Variants in PCDHA11 observed in about 807,000 individuals in gnomAD.
PCDHA11 encodes the protein protocadherin alpha 11.
A neutral mutation model predicts 70.3 loss-of-function variants in PCDHA11; 61 were observed. That is an observed-to-expected ratio of 0.87 (90% CI 0.71 to 1.07). The LOEUF (loss-of-function observed/expected upper bound fraction) is 1.07. PCDHA11 is among the 50% of genes least tolerant of loss of function. The pLI, the probability that PCDHA11 is intolerant of heterozygous loss-of-function variation, is 0.00. For missense variants in PCDHA11, 1,324 were observed against 1,237.5 expected, an observed-to-expected ratio of 1.07 and a Z score of -1.05; for synonymous variants, 633 against 555.1, an observed-to-expected ratio of 1.14 and a Z score of -1.97.
At chr5:140,966,454 C>T (rs897696652) in intron 1 of PCDHA11, 6 of 426,406 alleles carry the variant, frequency 1.4e-5, no homozygotes, top group Admixed American at 4.4e-5. Flanking sequence ...TCCCCCTCCC[C>T]CTCTGTCTTC....
chr5:140,877,661 G>C, intron 1 of PCDHA11: 1 of 1,613,572 alleles, frequency 6.2e-7, no homozygotes. Flanking sequence ...CCCACCGTGA[G>C]CCGGTGCGCG....
At chr5:140,949,371 C>G (rs932971788) in intron 1 of PCDHA11, among the ~76,000 whole-genome samples, 1 of 151,712 alleles carries the variant, frequency 6.6e-6, no homozygotes, top group African/African-American at 2.4e-5. Flanking sequence ...GTCTAGTTGT[C>G]CTATCAATTG....
rs782072957 is a variant in PCDHA11, at chr5:140,870,352, G to T, written c.1249G>T (p.Val417Leu). Residue 417 changes from valine (V) to leucine (L), a missense_variant, in exon 1 of 4, where the codon GTG (valine) becomes TTG (leucine). Physicochemically the swap from Val to Leu is conservative, Grantham distance 32. Coordinates refer to ENST00000398640, the MANE Select transcript of PCDHA11 (RefSeq NM_018902.5). ...GGACAGCGCCCTGGACCGCGAGAAC[G>T]TGTGGGCCTATGAACTGGTGGTGAC... ...VLDSALDREN[V>L]WAYELVVTAR... is the part of the protein sequence containing the mutation. 9.9e-6 allele frequency: 16 copies of T among 1,614,226 alleles called. No individual in the cohort carries two copies. The South Asian group carries it at 1.3e-4, about 13-fold the overall frequency.
chr5:140,982,218 G>T, intron 2 of PCDHA11: 1 of 523,694 alleles, frequency 1.9e-6, no homozygotes, highest in South Asian at 3.9e-5. Flanking sequence ...GCCACATGGC[G>T]TTAATAAAAA....
At chr5:140,883,332 T>C (rs2059555585) in intron 1 of PCDHA11, 3 of 1,614,174 alleles carry the variant, frequency 1.9e-6, no homozygotes, top group Non-Finnish European at 2.5e-6. Flanking sequence ...ATCACTTCTT[T>C]GTCACTCCCC....
rs782654281 is a variant in PCDHA11, at chr5:140,871,003, C to G, written c.1900C>G (p.Arg634Gly). 1.9e-6 allele frequency: 3 copies of G among 1,613,416 alleles called. No homozygotes were observed. Among genetic ancestry groups the G allele is most frequent in the Non-Finnish European group, 2.5e-6 (3 of 1,179,866 alleles). Residue 634 changes from arginine (R) to glycine (G), a missense_variant, in exon 1 of 4, where the codon CGT (arginine) becomes GGT (glycine). Physicochemically the swap from Arg to Gly is moderately radical, Grantham distance 125. Transcript: ENST00000398640. ...GLYTGEISTT[R>G]ALDEADSPRH... ...GTACACGGGCGAGATAAGCACAACG[C>G]GTGCCCTGGACGAGGCAGACTCGCC...
At chr5:140,992,950 C>T (rs1435932636) in intron 3 of PCDHA11, among the ~76,000 whole-genome samples, 1 of 152,216 alleles carries the variant, frequency 6.6e-6, no homozygotes, top group East Asian at 1.9e-4. Context: ...GAGATTAAAT[C>T]ACCCCTTATA....
chr5:140,877,325 C>G lies in PCDHA11; in HGVS notation c.2391+5831C>G. 1.2e-6 allele frequency: 2 copies of G among 1,613,974 alleles called. No individual in the cohort carries two copies. Among genetic ancestry groups the G allele is most frequent in the Non-Finnish European group, 1.7e-6 (2 of 1,179,864 alleles). The stretch of plus-strand genomic sequence containing the variant: ...GAGTTGCAACCGGCGGCGGTCGGCG[C>G]GCACATCCCGTTCCACGTGGGGCTG... On this transcript the variant is annotated intron_variant, in intron 1 of 3. Transcript: ENST00000398640.
At position 140,982,527 on chromosome 5, in the gene PCDHA11, G is replaced by A. The variant is rs2096986081; in HGVS notation, c.2503G>A (p.Asp835Asn). ...TCTACGGGCTGGTCCAGGAGGGCCT[G>A]ATCAGCAGTGGCCAACAGTATCCAG... is the stretch of plus-strand genomic sequence containing the variant. ...GILRAGPGGP[D>N]QQWPTVSSAT... is the part of the protein sequence containing the mutation. Residue 835 changes from aspartate to asparagine, a missense_variant, in exon 3 of 4, where the codon GAT becomes AAT. By Grantham distance (23) the Asp-to-Asn change is conservative. Coordinates refer to ENST00000398640, the MANE Select transcript of PCDHA11 (RefSeq NM_018902.5). 1 of 1,614,218 alleles carries A rather than the reference G, an allele frequency of 6.2e-7. No individual in the cohort carries two copies. Among genetic ancestry groups the A allele is most frequent in the Admixed American group, 1.7e-5 (1 of 60,034 alleles).
intron 1 of PCDHA11, among the ~76,000 whole-genome samples, chr5:140,896,536 C>CT (rs34213614): frequency 0.32 from 46,252 of 145,528 alleles, 7,425 homozygotes; most frequent in East Asian, 0.53. Flanking sequence ...AGCTATTTTT[C>CT]TTTTTTTTTT....
intron 1 of PCDHA11, among the ~76,000 whole-genome samples, chr5:140,945,509 GTAAA>G (rs1266877059): frequency 6.6e-6 from 1 of 151,782 alleles, no homozygotes; most frequent in Non-Finnish European, 1.5e-5. Context: ...ATTGAGCAAA[GTAAA>G]TAAATAAATA....
At chr5:140,973,062 G>GTC (rs1554234872) in intron 1 of PCDHA11, among the ~76,000 whole-genome samples, 1 of 152,138 alleles carries the variant, frequency 6.6e-6, no homozygotes, top group African/African-American at 2.4e-5. Context: ...GTCCAACAGT[G>GTC]TCTCAGTGGG....
intron 1 of PCDHA11, chr5:140,877,677 C>T (rs1554169970): frequency 6.2e-7 from 1 of 1,613,678 alleles, no homozygotes. Context: ...GCGCGCCGGG[C>T]AAGCCCACGC....
chr5:141,000,912 A>G (rs1434885581), intron 3 of PCDHA11, among the ~76,000 whole-genome samples: 1 of 152,194 alleles, frequency 6.6e-6, no homozygotes, highest in East Asian at 1.9e-4. Context: ...TGTCTCTAAA[A>G]AAAAAAATCC....
In PCDHA11 at chr5:140,869,453, T is replaced by C; in HGVS notation, c.350T>C (p.Phe117Ser). 6.2e-7 allele frequency: 1 copy of C among 1,614,214 alleles called. No homozygotes were observed. Among genetic ancestry groups the C allele is most frequent in the Non-Finnish European group, 8.5e-7 (1 of 1,180,048 alleles). ...ATCGTGGACAGGCCGCTGCAGGTTT[T>C]CCATGTGAACGTGGAGGTGAAGGAC... ...EVIVDRPLQVFHVNVEVKDIN... is the reference protein window; with the variant it reads ...EVIVDRPLQVSHVNVEVKDIN... Residue 117 changes from phenylalanine (F) to serine (S), a missense_variant, in exon 1 of 4, where the codon TTC becomes TCC. Physicochemically the swap from Phe to Ser is radical, Grantham distance 155 (BLOSUM62 -2). Transcript: ENST00000398640.
intron 1 of PCDHA11, chr5:140,929,206 C>T (rs1554206828): frequency 2.5e-6 from 4 of 1,614,018 alleles, no homozygotes; most frequent in Non-Finnish European, 1.7e-6. Flanking sequence ...TTTGCTGTTG[C>T]GTGGGGAGTA....
chr5:140,948,496 A>C (rs1258443825), intron 1 of PCDHA11, among the ~76,000 whole-genome samples: 1 of 151,522 alleles, frequency 6.6e-6, no homozygotes, highest in African/African-American at 2.4e-5. Context: ...TCTTTCATAG[A>C]CTTTCTATTA....
chr5:140,947,570 TG>T (rs2094146227), intron 1 of PCDHA11, among the ~76,000 whole-genome samples: 1 of 151,820 alleles, frequency 6.6e-6, no homozygotes, highest in African/African-American at 2.4e-5. Flanking sequence ...ATATTGGGAA[TG>T]TTTTTAACAT....
chr5:140,897,561 G>A (rs1168105225), intron 1 of PCDHA11, among the ~76,000 whole-genome samples: 1 of 151,976 alleles, frequency 6.6e-6, no homozygotes, highest in Non-Finnish European at 1.5e-5. Flanking sequence ...GTGTATATGT[G>A]CCACATTTTC....
Sources: gnomAD v4.1 joint callset for allele counts (sites outside exome capture counted in the v4.1 genomes callset) on GRCh38, gnomAD v4.1.1 for gene constraint, MANE v1.5 for transcripts, NCBI Gene and HGNC (gene_info 2026-07-23, HGNC 2026-07-21) for gene names.